PCDHGB1: variants seen among roughly 807,000 people sequenced by gnomAD.
PCDHGB1 encodes protocadherin gamma subfamily B, 1, also known as protocadherin gamma-B1.
A neutral mutation model predicts 56.6 loss-of-function variants in PCDHGB1; 34 were observed. The observed-to-expected ratio is 0.60, with a 90% CI of 0.46 to 0.80. The LOEUF is 0.80. PCDHGB1 is among the 30% of genes least tolerant of loss of function. The pLI, the probability that PCDHGB1 is intolerant of heterozygous loss-of-function variation, is 0.00. For missense variants in PCDHGB1, 1,278 were observed against 1,204.6 expected (o/e 1.06, Z -0.90); for synonymous variants, 561 against 505.9 (o/e 1.11, Z -1.46).
At chr5:141,377,347 T>G (rs902378263) in intron 1 of PCDHGB1, 3 of 152,196 alleles carry the variant, frequency 2.0e-5, no homozygotes, top group Non-Finnish European at 2.9e-5. Flanking sequence ...GGTTCACGCC[T>G]GTAATCCCAC....
chr5:141,428,858 GACT>G (rs1348026268), intron 1 of PCDHGB1: 1 of 139,194 alleles, frequency 7.2e-6, no homozygotes, highest in African/African-American at 3.0e-5. Flanking sequence ...TTTTACGGGA[GACT>G]TTTTTTTTTT....
chr5:141,478,428 C>T (rs2154576655), intron 1 of PCDHGB1: 1 of 1,613,746 alleles, frequency 6.2e-7, no homozygotes, highest in Non-Finnish European at 8.5e-7. Flanking sequence ...CGCAGCGACC[C>T]GCTGCTGAAG....
chr5:141,362,191 G>T, intron 1 of PCDHGB1: 1 of 1,614,010 alleles, frequency 6.2e-7, no homozygotes. Flanking sequence ...TGACCCCCAG[G>T]CAAAACTGCA....
Position 141,370,669 on chromosome 5 carries a change from G to T in PCDHGB1, c.2409+18000G>T, listed in dbSNP as rs370792537. 8.7e-6 allele frequency: 14 copies of T among 1,613,790 alleles called. No homozygotes were observed. The highest frequency in any genetic ancestry group is 1.1e-5 in the Non-Finnish European group (13 of 1,179,912). On this transcript the variant is annotated intron_variant, in intron 1 of 3. Coordinates refer to ENST00000523390, the MANE Select transcript of PCDHGB1 (RefSeq NM_018922.3). ...TTACTTGTGAGCGACCGTATAGACCGAGAGGAGATTTGTGGCAAGAAGTCG... is the reference window on the plus strand; with the variant it reads ...TTACTTGTGAGCGACCGTATAGACCTAGAGGAGATTTGTGGCAAGAAGTCG...
At chr5:141,370,718 G>C (rs752810801) in intron 1 of PCDHGB1, 2 of 1,613,818 alleles carry the variant, frequency 1.2e-6, no homozygotes, top group Non-Finnish European at 1.7e-6. Context: ...AATTTGAAAT[G>C]GTTGCTGAAA....
At chr5:141,360,821 G>A (rs1214770155) in intron 1 of PCDHGB1, 1 of 1,613,924 alleles carries the variant, frequency 6.2e-7, no homozygotes, top group Non-Finnish European at 8.5e-7. Flanking sequence ...ACCCAAATCC[G>A]AATCAAAGTC....
At chr5:141,367,000 T>G (rs990183992) in intron 1 of PCDHGB1, 4 of 452,734 alleles carry the variant, frequency 8.8e-6, no homozygotes, top group Non-Finnish European at 1.5e-5. Context: ...AATATAATCA[T>G]TTTACCCAAA....
chr5:141,357,542 G>A lies in PCDHGB1; in HGVS notation c.2409+4873G>A, dbSNP rs149810895. ...CCCAGCTATGCAGACACGCTCATCA[G>A]CCGGGAGAGTTGTGAGAAAAGCGAG... On this transcript the variant is annotated intron_variant, in intron 1 of 3. Transcript: ENST00000523390. The A allele has an allele frequency of 2.3e-4, 375 of 1,614,210 alleles. No individual in the cohort carries two copies. In the East Asian group the frequency reaches 8.3e-3, roughly 36 times the overall value.
At chr5:141,449,025 C>G (rs2154562458) in intron 1 of PCDHGB1, among the ~76,000 whole-genome samples, 1 of 152,216 alleles carries the variant, frequency 6.6e-6, no homozygotes, top group East Asian at 1.9e-4. Flanking sequence ...GCTTAGCATT[C>G]CTTTGGATTA....
In PCDHGB1 at chr5:141,408,826, T is replaced by C. The variant is rs138252575; in HGVS notation, c.2409+56157T>C. ...TAGACCGGGAAGAACAGAGATCTCA[T>C]AGCTTGATATTGACTGCCTTGGACG... On this transcript the variant is annotated intron_variant, in intron 1 of 3. Coordinates refer to ENST00000523390, the MANE Select transcript of PCDHGB1 (RefSeq NM_018922.3). The C allele has an allele frequency of 6.1e-5, 98 of 1,613,582 alleles. No homozygotes were observed. The African/African-American group carries it at 9.9e-4, about 16-fold the overall frequency.
chr5:141,371,529 A>G lies in PCDHGB1; in HGVS notation c.2409+18860A>G, dbSNP rs200031435. The G allele has an allele frequency of 3.3e-4, 527 of 1,613,610 alleles. No homozygotes were observed. The highest frequency in any genetic ancestry group is 8.3e-4 in the Admixed American group (50 of 59,952). On this transcript the variant is annotated intron_variant, in intron 1 of 3. Transcript: ENST00000523390. ...AACACATGATCTAGATTCTGGATTTAATGGAGAAATCCTATGCCAACTAAA... is the reference window on the plus strand; with the variant it reads ...AACACATGATCTAGATTCTGGATTTGATGGAGAAATCCTATGCCAACTAAA...
chr5:141,423,554 A>G (rs1383467583), intron 1 of PCDHGB1: 8 of 1,613,590 alleles, frequency 5.0e-6, no homozygotes, highest in East Asian at 4.5e-5. Flanking sequence ...CAGCCCAACT[A>G]TGGGGACACG....
intron 1 of PCDHGB1, chr5:141,414,590 G>A: frequency 6.2e-7 from 1 of 1,613,936 alleles, no homozygotes; most frequent in Non-Finnish European, 8.5e-7. Flanking sequence ...AACGCCAGGG[G>A]TGCCTCCATC....
At chr5:141,416,530 G>A (rs976560428) in intron 1 of PCDHGB1, 2 of 152,160 alleles carry the variant, frequency 1.3e-5, no homozygotes, top group Non-Finnish European at 2.9e-5. Flanking sequence ...GCTCTTTAAT[G>A]TATAAGGAGG....
In PCDHGB1 at chr5:141,366,839, A is replaced by G. The variant is rs372026898; in HGVS notation, c.2409+14170A>G. The G allele has an allele frequency of 1.6e-5, 24 of 1,499,090 alleles. No homozygotes were observed. In the African/African-American group the frequency reaches 3.1e-4, roughly 19 times the overall value. 92.9% of individuals were successfully genotyped at this position (1,499,090 alleles called of 1,614,324 possible). A position where few individuals can be genotyped will look rare whatever the true frequency, so the allele number is the denominator to read the frequency against. On this transcript the variant is annotated intron_variant, in intron 1 of 3. Coordinates refer to ENST00000523390, the MANE Select transcript of PCDHGB1 (RefSeq NM_018922.3). ...CTGTCATATTCAGAATCAGCTAGTT[A>G]TGTAAATAGTGGAACATTATTTGCT...
chr5:141,405,233 G>A (rs746061797), intron 1 of PCDHGB1: 10 of 1,613,914 alleles, frequency 6.2e-6, no homozygotes, highest in East Asian at 2.2e-5. Flanking sequence ...CTCCCTCACC[G>A]CTGACTCAAG....
Position 141,476,525 on chromosome 5 carries a change from A to T in PCDHGB1, c.2410-18282A>T, listed in dbSNP as rs766638463. On this transcript the variant is annotated intron_variant, in intron 1 of 3. Coordinates refer to ENST00000523390, the MANE Select transcript of PCDHGB1 (RefSeq NM_018922.3). This position sits in a 1 kb window ranked among gnomAD's most constrained non-coding sequence, Gnocchi z 7.6. ...CAACGACAACAATCCTGCTTTCCCTACCCAGGAAATGAAATTGGAGATTAG... is the reference window on the plus strand; with the variant it reads ...CAACGACAACAATCCTGCTTTCCCTTCCCAGGAAATGAAATTGGAGATTAG... The T allele has an allele frequency of 6.2e-7, 1 of 1,614,068 alleles. No homozygotes were observed. The highest frequency in any genetic ancestry group is 2.2e-5 in the East Asian group (1 of 44,854).
chr5:141,453,204 C>T (rs1345502837), intron 1 of PCDHGB1, among the ~76,000 whole-genome samples: 1 of 152,260 alleles, frequency 6.6e-6, no homozygotes, highest in East Asian at 1.9e-4. Flanking sequence ...GCCTCAACCT[C>T]GTGCACTTAA....
chr5:141,430,639 A>C, intron 1 of PCDHGB1: 6 of 900,712 alleles, frequency 6.7e-6, no homozygotes, highest in Non-Finnish European at 9.7e-6. Context: ...CATCCCTGGG[A>C]GTATGTGGAA....
Sources: allele counts gnomAD v4.1 joint callset (sites outside exome capture counted in the v4.1 genomes callset), GRCh38; gene constraint gnomAD v4.1.1; non-coding constraint Gnocchi (gnomAD v3.1); transcripts MANE v1.5; gene names NCBI Gene and HGNC (gene_info 2026-07-23, HGNC 2026-07-21).